Variants in ACTN1 observed in about 807,000 individuals in gnomAD.
ACTN1 encodes alpha-actinin-1.
In ACTN1, 30 loss-of-function variants were observed where a neutral mutation model predicts 119.6. The observed-to-expected ratio is 0.25, with a 90% CI of 0.19 to 0.34. ACTN1 has a LOEUF of 0.34. Among genes scored for constraint, ACTN1 ranks in the 10% least tolerant of loss-of-function variants. The pLI, the probability that ACTN1 is intolerant of heterozygous loss-of-function variation, is 1.00. For synonymous variants in ACTN1, 429 were observed against 472.6 expected, an observed-to-expected ratio of 0.91 and a Z score of 1.20; for missense variants, 764 against 1,223.4, an observed-to-expected ratio of 0.62 and a Z score of 5.60.
At chr14:68,924,209 GTCAGTGCATGCCCT>G (rs1476160406) in intron 2 of ACTN1, among the ~76,000 whole-genome samples, 1 of 152,176 alleles carries the variant, frequency 6.6e-6, no homozygotes, top group Non-Finnish European at 1.5e-5. Context: ...CTGCACAACA[GTCAGTGCATGCCCT>G]TAATACCGCT....
intron 1 of ACTN1, among the ~76,000 whole-genome samples, chr14:68,941,956 C>T (rs1443308056): frequency 3.3e-5 from 5 of 152,174 alleles, no homozygotes; most frequent in Non-Finnish European, 4.4e-5. Flanking sequence ...CGCCACCCAC[C>T]TCCTCCCTGA....
intron 11 of ACTN1, chr14:68,887,823 A>G (rs1028121303): frequency 4.6e-6 from 4 of 869,064 alleles, no homozygotes; most frequent in Non-Finnish European, 7.9e-6. Context: ...GCTTCATCAG[A>G]GGCTGGACTC....
chr14:68,939,021 A>G (rs567409293), intron 1 of ACTN1, among the ~76,000 whole-genome samples: 73 of 152,292 alleles, frequency 4.8e-4, no homozygotes, highest in Admixed American at 6.5e-4. Context: ...GGGGGCCTGC[A>G]GCTTTTTCTG....
intron 1 of ACTN1, among the ~76,000 whole-genome samples, chr14:68,968,293 G>A (rs1483441842): frequency 2.6e-5 from 4 of 152,230 alleles, no homozygotes; most frequent in Non-Finnish European, 5.9e-5. Flanking sequence ...AGGAAGCCGG[G>A]TTCAGTCCCA....
At chr14:68,919,970 G>A (rs557092196) in intron 3 of ACTN1, among the ~76,000 whole-genome samples, 60 of 152,162 alleles carry the variant, frequency 3.9e-4, no homozygotes, top group Non-Finnish European at 7.6e-4. Flanking sequence ...AGAAGAGAGG[G>A]GACTGTAAGC....
intron 1 of ACTN1, among the ~76,000 whole-genome samples, chr14:68,966,892 C>T (rs2036724742): frequency 6.6e-6 from 1 of 152,214 alleles, no homozygotes; most frequent in Admixed American, 6.5e-5. Flanking sequence ...AATAACCCCA[C>T]CCTCCAGAGA....
intron 1 of ACTN1, among the ~76,000 whole-genome samples, chr14:68,969,180 A>G (rs1489096746): frequency 6.6e-6 from 1 of 152,252 alleles, no homozygotes; most frequent in Non-Finnish European, 1.5e-5. Flanking sequence ...AGGAAAAAGA[A>G]GAAGAGAAAA....
At position 68,880,225 on chromosome 14, in the gene ACTN1, T is replaced by C. The variant is rs1006308027; in HGVS notation, c.2134-117A>G. On this transcript the variant is annotated intron_variant, in intron 17 of 21. Transcript: ENST00000394419. This position sits in a 1 kb window ranked among gnomAD's most constrained non-coding sequence, Gnocchi z 4.6. ...GCCAAAGCCATCAAACTTGGCCTTC[T>C]GTGTGGCTGAGTGTCACCAGAGGAA... The C allele has an allele frequency of 5.4e-6, 7 of 1,305,418 alleles. No homozygotes were observed. The highest frequency in any genetic ancestry group is 4.4e-5 in the African/African-American group (3 of 67,598). The allele number at this position is 1,305,418 out of a possible 1,614,324, so 80.9% of individuals were successfully genotyped here. A position where few individuals can be genotyped will look rare whatever the true frequency, so the allele number is the denominator to read the frequency against.
At position 68,909,910 on chromosome 14, in the gene ACTN1, G is replaced by A. The variant is rs761352909; in HGVS notation, c.515+45C>T. 2 of 1,570,576 alleles carry A rather than the reference G, an allele frequency of 1.3e-6. No individual in the cohort carries two copies. Among genetic ancestry groups the A allele is most frequent in the Middle Eastern group, 1.8e-4 (1 of 5,702 alleles). ...CAAGGGGGTCTGGGAGCTCCCGGGGGAGGCAGCCTGGTTCTGTGAGAGCCC... is the reference window on the plus strand; with the variant it reads ...CAAGGGGGTCTGGGAGCTCCCGGGGAAGGCAGCCTGGTTCTGTGAGAGCCC... On this transcript the variant is annotated intron_variant, in intron 5 of 21. Transcript: ENST00000394419. The surrounding 1 kb of genome is among the most constrained non-coding windows in gnomAD (Gnocchi z 4.1).
intron 3 of ACTN1, among the ~76,000 whole-genome samples, chr14:68,916,389 T>C (rs141908887): frequency 6.6e-6 from 1 of 152,324 alleles, no homozygotes; most frequent in African/African-American, 2.4e-5. Flanking sequence ...TGCCTACTTA[T>C]TCCTCTTCTT....
chr14:68,957,389 G>A (rs1223625741), intron 1 of ACTN1, among the ~76,000 whole-genome samples: 1 of 152,166 alleles, frequency 6.6e-6, no homozygotes, highest in Non-Finnish European at 1.5e-5. Flanking sequence ...AGGAGAGGGG[G>A]CCTTCTGTGC....
intron 1 of ACTN1, among the ~76,000 whole-genome samples, chr14:68,973,622 C>A (rs771882748): frequency 2.6e-5 from 4 of 152,186 alleles, no homozygotes; most frequent in Admixed American, 1.3e-4. Context: ...AAACCTTGGT[C>A]ATGCATGAAG....
chr14:68,924,626 C>T (rs1465301970), intron 2 of ACTN1, among the ~76,000 whole-genome samples: 1 of 152,206 alleles, frequency 6.6e-6, no homozygotes, highest in East Asian at 1.9e-4. Flanking sequence ...GTCGGACAAG[C>T]CCTCTGGCTA....
intron 1 of ACTN1, among the ~76,000 whole-genome samples, chr14:68,930,377 A>T (rs1283761679): frequency 6.6e-6 from 1 of 152,216 alleles, no homozygotes; most frequent in Non-Finnish European, 1.5e-5. Context: ...GGTAGTTCCT[A>T]CCGTCATCAT....
In ACTN1 at chr14:68,880,782, G is replaced by C; in HGVS notation, c.2133+28C>G. 6.2e-7 allele frequency: 1 copy of C among 1,609,072 alleles called. No homozygotes were observed. The highest frequency in any genetic ancestry group is 1.3e-5 in the African/African-American group (1 of 74,964). On this transcript the variant is annotated intron_variant, in intron 17 of 21. Coordinates refer to ENST00000394419, the MANE Select transcript of ACTN1 (RefSeq NM_001130004.2). This position sits in a 1 kb window ranked among gnomAD's most constrained non-coding sequence, Gnocchi z 4.6. ...AGAGCAGAAGGGGCCACGGGCTCCCGAAGAGGAACAAGGCCAGCCCCACCC... is the reference window on the plus strand; with the variant it reads ...AGAGCAGAAGGGGCCACGGGCTCCCCAAGAGGAACAAGGCCAGCCCCACCC...
Position 68,878,487 on chromosome 14 carries a change from C to T in ACTN1, c.2398G>A (p.Ala800Thr), listed in dbSNP as rs371536376. Residue 800 changes from alanine to threonine, a missense_variant, in exon 20 of 22, where the codon GCC becomes ACC. Ala to Thr is a moderately conservative substitution (Grantham distance 58). This residue lies in a region of ACTN1 where 544 missense variants were observed against 912.0 expected (regional missense o/e 0.60). Transcript: ENST00000394419. The surrounding 1 kb of genome is among the most constrained non-coding windows in gnomAD (Gnocchi z 4.4). ...TTGTAACCCATGGAGATCAGGCAGG[C>T]GCGGAAATCATCCGTGTCCATCATG... is the stretch of plus-strand genomic sequence containing the variant. ...TGMMDTDDFR[A>T]CLISMGYNMG... 35 of 1,578,276 alleles carry T rather than the reference C, an allele frequency of 2.2e-5. No homozygotes were observed. The highest frequency in any genetic ancestry group is 2.7e-5 in the African/African-American group (2 of 74,142).
At position 68,883,037 on chromosome 14, in the gene ACTN1, C is replaced by T. The variant is rs768390005; in HGVS notation, c.1654G>A (p.Glu552Lys). The T allele has an allele frequency of 2.5e-6, 4 of 1,614,102 alleles. No homozygotes were observed. Among genetic ancestry groups the T allele is most frequent in the Non-Finnish European group, 2.5e-6 (3 of 1,180,008 alleles). The stretch of plus-strand genomic sequence containing the variant: ...TCAGGGAGGGTGGCCTTGAACTGCT[C>T]ATGGGCTGTGGTCAGTCCCTGGACA... ...EEIQGLTTAHEQFKATLPDAD... is the reference protein window; with the variant it reads ...EEIQGLTTAHKQFKATLPDAD... The change falls in exon 15 of 22, where the codon GAG (glutamate) becomes AAG (lysine). Residue 552 changes from glutamate to lysine, a missense_variant. By Grantham distance (56) the Glu-to-Lys change is moderately conservative. This residue lies in a region of ACTN1 where 544 missense variants were observed against 912.0 expected (regional missense o/e 0.60). Transcript: ENST00000394419.
At chr14:68,974,041 A>G (rs932344078) in intron 1 of ACTN1, 1 of 152,082 alleles carries the variant, frequency 6.6e-6, no homozygotes, top group Non-Finnish European at 1.5e-5. Flanking sequence ...CTCTCTATGC[A>G]CTCTAAAGAG....
intron 3 of ACTN1, among the ~76,000 whole-genome samples, chr14:68,918,022 T>C (rs1023209277): frequency 5.3e-5 from 8 of 152,208 alleles, no homozygotes; most frequent in African/African-American, 1.2e-4. Flanking sequence ...TGAGCCAAGA[T>C]CGTGCCATTG....
Sources: allele counts gnomAD v4.1 joint callset (sites outside exome capture counted in the v4.1 genomes callset), GRCh38; gene constraint gnomAD v4.1.1; regional missense constraint gnomAD v4.1.1; non-coding constraint Gnocchi (gnomAD v3.1); transcripts MANE v1.5; gene names NCBI Gene and HGNC (gene_info 2026-07-23, HGNC 2026-07-21).